The following GLIS1 variants were observed in gnomAD, a reference collection of about 807,000 sequenced individuals.
GLIS1 encodes the protein zinc finger protein GLIS1.
GLIS1 carries 24 observed loss-of-function variants against 63.8 expected under a neutral mutation model. The observed-to-expected ratio is 0.38, with a 90% confidence interval of 0.27 to 0.53. The LOEUF (loss-of-function observed/expected upper bound fraction) is 0.53. Among genes scored for constraint, GLIS1 ranks in the 20% least tolerant of loss-of-function variants. The probability of loss-of-function intolerance (pLI) is 0.85; values close to 1 mark genes in which losing one functional copy is unlikely to be tolerated. For missense variants in GLIS1, 1,036 were observed against 1,074.1 expected (o/e 0.96, Z 0.50); for synonymous variants, 450 against 482.5 (o/e 0.93, Z 0.88).
intron 2 of GLIS1, among the ~76,000 whole-genome samples, chr1:53,651,280 G>A (rs1049300839): frequency 5.3e-5 from 8 of 152,130 alleles, no homozygotes; most frequent in South Asian, 2.1e-4. Flanking sequence ...AACAAGGTTC[G>A]CATTTTAAAA....
chr1:53,524,229 C>G (rs1644440522), intron 6 of GLIS1, among the ~76,000 whole-genome samples: 1 of 152,254 alleles, frequency 6.6e-6, no homozygotes, highest in South Asian at 2.1e-4. Flanking sequence ...CGCGGGCCCA[C>G]TCCGCGCTCA....
At chr1:53,597,420 C>T (rs1488922157) in intron 3 of GLIS1, among the ~76,000 whole-genome samples, 1 of 149,840 alleles carries the variant, frequency 6.7e-6, no homozygotes, top group Non-Finnish European at 1.5e-5. Flanking sequence ...ACAGTAAGCA[C>T]ACCACCATTG....
At chr1:53,631,220 A>G (rs1001412624) in intron 2 of GLIS1, among the ~76,000 whole-genome samples, 1 of 152,216 alleles carries the variant, frequency 6.6e-6, no homozygotes, top group African/African-American at 2.4e-5. Context: ...CAACAGATAA[A>G]TATTTCCCTA....
At chr1:53,634,829 C>A (rs972389889) in intron 2 of GLIS1, among the ~76,000 whole-genome samples, 2 of 152,088 alleles carry the variant, frequency 1.3e-5, no homozygotes, top group Admixed American at 6.6e-5. Context: ...TGGAAGCCCA[C>A]GAATAAACGC....
chr1:53,544,305 G>A (rs1313905543), intron 4 of GLIS1, among the ~76,000 whole-genome samples: 1 of 152,158 alleles, frequency 6.6e-6, no homozygotes, highest in African/African-American at 2.4e-5. Flanking sequence ...TAAGAGAGGA[G>A]CCCGCAACTC....
intron 2 of GLIS1, among the ~76,000 whole-genome samples, chr1:53,635,014 G>A (rs1645707961): frequency 1.3e-5 from 2 of 152,002 alleles, no homozygotes; most frequent in Non-Finnish European, 2.9e-5. Context: ...CAAATGGGAA[G>A]GAGGCTGTAG....
At chr1:53,527,483 C>T (rs1188163056) in intron 5 of GLIS1, among the ~76,000 whole-genome samples, 2 of 152,242 alleles carry the variant, frequency 1.3e-5, no homozygotes, top group African/African-American at 2.4e-5. Context: ...GGTTTTACCT[C>T]TCAGGAGGCC....
intron 4 of GLIS1, among the ~76,000 whole-genome samples, chr1:53,577,584 T>C (rs564892635): frequency 2.0e-5 from 3 of 152,260 alleles, no homozygotes; most frequent in African/African-American, 7.2e-5. Flanking sequence ...CCTATCCACC[T>C]GAGGGCAGCC....
intron 2 of GLIS1, among the ~76,000 whole-genome samples, chr1:53,633,913 C>A (rs968140063): frequency 6.6e-6 from 1 of 152,160 alleles, no homozygotes; most frequent in Non-Finnish European, 1.5e-5. Flanking sequence ...TATGAGATCA[C>A]GAATCCACCA....
At chr1:53,681,743 T>C (rs753572487) in intron 2 of GLIS1, among the ~76,000 whole-genome samples, 2 of 152,134 alleles carry the variant, frequency 1.3e-5, no homozygotes, top group Non-Finnish European at 2.9e-5. Context: ...TCTAGGTGCG[T>C]GGGACACAGG....
intron 2 of GLIS1, among the ~76,000 whole-genome samples, chr1:53,622,126 T>C (rs1645549778): frequency 6.6e-6 from 1 of 151,324 alleles, no homozygotes; most frequent in Admixed American, 6.6e-5. Flanking sequence ...GAAGGTTGAA[T>C]GGTGGCCCCT....
intron 2 of GLIS1, among the ~76,000 whole-genome samples, chr1:53,699,126 A>G (rs6657830): frequency 0.25 from 38,014 of 151,694 alleles, 5,112 homozygotes; most frequent in African/African-American, 0.35. Flanking sequence ...GTGCAGTGGC[A>G]TGATCTCGGC....
chr1:53,686,140 G>A (rs1370642241), intron 2 of GLIS1, among the ~76,000 whole-genome samples: 2 of 152,182 alleles, frequency 1.3e-5, no homozygotes, highest in Non-Finnish European at 2.9e-5. Flanking sequence ...AGCCCCTTTA[G>A]GAGGTTCTCT....
chr1:53,713,462 C>T (rs1011655961), intron 2 of GLIS1, among the ~76,000 whole-genome samples: 1 of 151,900 alleles, frequency 6.6e-6, no homozygotes, highest in South Asian at 2.1e-4. Context: ...CATGGTGAGA[C>T]CCCATCTTTT....
At chr1:53,540,320 A>T (rs1644630143) in intron 4 of GLIS1, among the ~76,000 whole-genome samples, 1 of 152,138 alleles carries the variant, frequency 6.6e-6, no homozygotes, top group Non-Finnish European at 1.5e-5. Context: ...GCGCTGCTTC[A>T]GGAGGAAGAA....
intron 2 of GLIS1, among the ~76,000 whole-genome samples, chr1:53,683,184 G>T (rs1308640599): frequency 6.6e-6 from 1 of 152,130 alleles, no homozygotes; most frequent in African/African-American, 2.4e-5. Context: ...ACACATTCCT[G>T]GCTCCCCAAC....
chr1:53,577,778 T>C (rs1204904090), intron 4 of GLIS1, among the ~76,000 whole-genome samples: 1 of 152,104 alleles, frequency 6.6e-6, no homozygotes, highest in Non-Finnish European at 1.5e-5. Context: ...CCTGCCAATA[T>C]ATTTCTGAGT....
chr1:53,599,453 C>G (rs2100546455), intron 3 of GLIS1, among the ~76,000 whole-genome samples: 1 of 152,306 alleles, frequency 6.6e-6, no homozygotes, highest in African/African-American at 2.4e-5. Flanking sequence ...CAAGAAGGGC[C>G]TCACCAGATG....
intron 2 of GLIS1, among the ~76,000 whole-genome samples, chr1:53,686,748 T>C (rs974097470): frequency 6.7e-6 from 1 of 149,622 alleles, no homozygotes; most frequent in Non-Finnish European, 1.5e-5. Flanking sequence ...AGAGTGACCA[T>C]GCAAAGGCAC....
Sources: allele counts gnomAD v4.1 joint callset (sites outside exome capture counted in the v4.1 genomes callset), GRCh38; gene constraint gnomAD v4.1.1; transcripts MANE v1.5; gene names NCBI Gene and HGNC (gene_info 2026-07-23, HGNC 2026-07-21).